Variants in CADPS2 observed in about 807,000 individuals in gnomAD.
CADPS2 encodes calcium dependent secretion activator 2.
A neutral mutation model predicts 172.5 loss-of-function variants in CADPS2; 93 were observed. The ratio of observed to expected loss-of-function variants is 0.54; its 90% CI spans 0.46 to 0.64. The LOEUF (loss-of-function observed/expected upper bound fraction) is 0.64. CADPS2 is among the 30% of genes least tolerant of loss of function. The probability of loss-of-function intolerance (pLI) is 0.00; values close to 1 mark genes in which losing one functional copy is unlikely to be tolerated. For missense variants in CADPS2, 1,420 were observed against 1,565.9 expected, an observed-to-expected ratio of 0.91 and a Z score of 1.57; for synonymous variants, 546 against 555.2, an observed-to-expected ratio of 0.98 and a Z score of 0.23.
intron 9 of CADPS2, 26 bp downstream of exon 9, chr7:122,513,223 T>G: frequency 6.7e-7 from 1 of 1,496,356 alleles, no homozygotes; most frequent in Non-Finnish European, 9.1e-7. Flanking sequence ...CTTAGAGTGA[T>G]TATTTAACAG....
intron 5 of CADPS2, among the ~76,000 whole-genome samples, chr7:122,617,542 A>C (rs1170537508): frequency 6.6e-6 from 1 of 152,144 alleles, no homozygotes; most frequent in Non-Finnish European, 1.5e-5. Flanking sequence ...TAGAAGTAAA[A>C]AGAAGAGAGG....
At chr7:122,670,590 C>A (rs1391067766) in intron 2 of CADPS2, among the ~76,000 whole-genome samples, 1 of 151,934 alleles carries the variant, frequency 6.6e-6, no homozygotes, top group East Asian at 1.9e-4. Context: ...CTCTGCCTCC[C>A]GGGCTGAAGC....
chr7:122,492,050 T>C (rs1429784706), intron 9 of CADPS2, among the ~76,000 whole-genome samples: 4 of 152,046 alleles, frequency 2.6e-5, no homozygotes, highest in Non-Finnish European at 5.9e-5. Flanking sequence ...CACACACCAG[T>C]AGTCCCAGCA....
rs533667905 is a variant in CADPS2 at position 122,479,911 on chromosome 7, GAT to G, written c.1861+939_1861+940del. 1.1e-4 allele frequency among the ~76,000 whole-genome samples: 17 copies of G among 152,162 alleles called. No individual in the cohort carries two copies. In the South Asian group the frequency reaches 3.5e-3, roughly 32 times the overall value. ...ATGGCAGCTTTTCTGGTTCATTTTT[GAT>G]ATTAATTTATTATTGGAAGACAAAT... On this transcript the variant is annotated intron_variant, in intron 12 of 29. Coordinates refer to ENST00000449022, the MANE Select transcript of CADPS2 (RefSeq NM_017954.11).
chr7:122,392,636 A>C (rs968687197), intron 22 of CADPS2, among the ~76,000 whole-genome samples: 1 of 152,202 alleles, frequency 6.6e-6, no homozygotes, highest in Non-Finnish European at 1.5e-5. Context: ...AAGACTATTT[A>C]AAAATACCAA....
At chr7:122,799,603 C>CAAAAAAA (rs58187843) in intron 1 of CADPS2, among the ~76,000 whole-genome samples, 1 of 48,290 alleles carries the variant, frequency 2.1e-5, no homozygotes. Context: ...GATTCCATCT[C>CAAAAAAA]AAAAAAAAAA....
At chr7:122,371,591 G>A (rs1025299708) in intron 25 of CADPS2, among the ~76,000 whole-genome samples, 1 of 152,094 alleles carries the variant, frequency 6.6e-6, no homozygotes, top group Non-Finnish European at 1.5e-5. Flanking sequence ...TGAGATTTTG[G>A]GTGGGAACAC....
intron 1 of CADPS2, among the ~76,000 whole-genome samples, chr7:122,822,826 C>T (rs575597803): frequency 3.9e-5 from 6 of 151,936 alleles, no homozygotes; most frequent in Admixed American, 2.0e-4. Context: ...CCAGAGAACC[C>T]CCCTTTGACT....
intron 25 of CADPS2, among the ~76,000 whole-genome samples, chr7:122,367,727 T>C (rs2041150426): frequency 6.9e-6 from 1 of 144,912 alleles, no homozygotes; most frequent in Non-Finnish European, 1.5e-5. Flanking sequence ...TTTTTTTTTT[T>C]TTTTTTTTTT....
rs1450242448 is a variant in CADPS2 at position 122,482,267 on chromosome 7, CA to C, written c.1853-1408del. On this transcript the variant is annotated intron_variant, in intron 11 of 29. Transcript: ENST00000449022. ...TGGTTCTCAACTGGGGGTGATTCCT[CA>C]CCAACCGCAACCCTACCCTCTGGGA... 3.3e-5 allele frequency among the ~76,000 whole-genome samples: 5 copies of C among 152,198 alleles called. No homozygotes were observed. The East Asian group carries it at 5.8e-4, about 18-fold the overall frequency.
At chr7:122,732,877 TGC>T (rs1229886819) in intron 2 of CADPS2, among the ~76,000 whole-genome samples, 2 of 135,034 alleles carry the variant, frequency 1.5e-5, no homozygotes, top group African/African-American at 2.6e-5. Context: ...ACATTATATA[TGC>T]TATGTATAAT....
At chr7:122,817,074 T>C (rs1271080812) in intron 1 of CADPS2, among the ~76,000 whole-genome samples, 1 of 151,470 alleles carries the variant, frequency 6.6e-6, no homozygotes, top group Non-Finnish European at 1.5e-5. Context: ...CTCCCTTCGC[T>C]AACTCTCTTT....
intron 9 of CADPS2, among the ~76,000 whole-genome samples, chr7:122,499,926 T>A (rs2059058001): frequency 6.6e-6 from 1 of 152,138 alleles, no homozygotes; most frequent in Non-Finnish European, 1.5e-5. Context: ...CATCACCACA[T>A]GAACAATCTG....
intron 7 of CADPS2, among the ~76,000 whole-genome samples, chr7:122,579,225 G>GGT (rs1340770692): frequency 0.012 from 1,769 of 151,970 alleles, 34 homozygotes; most frequent in African/African-American, 0.04. Flanking sequence ...TACCCTCCAG[G>GGT]AGACATTTAG....
At chr7:122,836,359 AAACTGCATCAACT>A (rs1199905414) in intron 1 of CADPS2, among the ~76,000 whole-genome samples, 1 of 152,212 alleles carries the variant, frequency 6.6e-6, no homozygotes, top group Non-Finnish European at 1.5e-5. Context: ...GGCTGGGAAG[AAACTGCATCAACT>A]AACAAGCAAA....
chr7:122,513,443 G>A (rs532441257), intron 8 of CADPS2, 128 bp from the exon 9 acceptor site: 1 of 680,506 alleles, frequency 1.5e-6, no homozygotes, highest in South Asian at 2.0e-5. Flanking sequence ...AGCTCATTTG[G>A]AAAGTGAGAC....
chr7:122,698,131 T>C lies in CADPS2; in HGVS notation c.454-34562A>G, dbSNP rs771694332. On this transcript the variant is annotated intron_variant, in intron 2 of 29. Coordinates refer to ENST00000449022, the MANE Select transcript of CADPS2 (RefSeq NM_017954.11). ...AATACGAACTATGTCATTAGGCTTA[T>C]AGCGTTCAAAGCAAATTACGCAGCT... 40 of 1,613,994 alleles carry C rather than the reference T, an allele frequency of 2.5e-5. No individual in the cohort carries two copies. In the East Asian group the frequency reaches 6.9e-4, roughly 28 times the overall value.
At chr7:122,827,055 TAAG>T (rs940501691) in intron 1 of CADPS2, among the ~76,000 whole-genome samples, 2 of 151,980 alleles carry the variant, frequency 1.3e-5, no homozygotes, top group Admixed American at 6.5e-5. Context: ...GAGACAATAA[TAAG>T]AAGACACAAA....
chr7:122,475,358 T>C (rs1392285473), intron 12 of CADPS2, among the ~76,000 whole-genome samples: 3 of 152,194 alleles, frequency 2.0e-5, no homozygotes, highest in Admixed American at 2.0e-4. Flanking sequence ...CAATCAGTTA[T>C]CAAGATAAAA....
Sources: gnomAD v4.1 joint callset for allele counts (sites outside exome capture counted in the v4.1 genomes callset) on GRCh38, gnomAD v4.1.1 for gene constraint, MANE v1.5 for transcripts, NCBI Gene and HGNC (gene_info 2026-07-23, HGNC 2026-07-21) for gene names.